Variants in NTRK2 observed in about 807,000 individuals in gnomAD.
NTRK2 encodes neurotrophic receptor tyrosine kinase 2.
Under a neutral mutation model 94.5 loss-of-function variants are expected in NTRK2, and 13 were observed. That is an observed-to-expected ratio of 0.14 (90% CI 0.09 to 0.22). The LOEUF is 0.22. Ranked by LOEUF, NTRK2 falls within the 10% of genes least tolerant of loss-of-function variation. NTRK2 has a pLI of 1.00. For missense variants in NTRK2, 639 were observed against 1,071.2 expected (o/e 0.60, Z 5.63); for synonymous variants, 372 against 407.4 (o/e 0.91, Z 1.05).
intron 17 of NTRK2, among the ~76,000 whole-genome samples, chr9:85,005,946 CT>C (rs1564544074): frequency 1.3e-5 from 2 of 152,026 alleles, no homozygotes; most frequent in Non-Finnish European, 2.9e-5. Flanking sequence ...TACATATGAC[CT>C]TTGTATCCCA....
chr9:84,783,783 G>A (rs553894930), intron 12 of NTRK2, among the ~76,000 whole-genome samples: 86 of 151,952 alleles, frequency 5.7e-4, no homozygotes, highest in Non-Finnish European at 1.1e-3. Context: ...GCAGAGAACG[G>A]GGGTAGAGAA....
intron 16 of NTRK2, 72 bp downstream of exon 16, chr9:84,948,706 G>C: frequency 7.0e-7 from 1 of 1,425,280 alleles, no homozygotes; most frequent in East Asian, 2.3e-5. Context: ...GGGTTCATGG[G>C]AGGGAACAAG....
intron 6 of NTRK2, among the ~76,000 whole-genome samples, chr9:84,722,194 T>C (rs2062116073): frequency 9.2e-6 from 1 of 108,428 alleles, no homozygotes; most frequent in Admixed American, 1.1e-4. Context: ...TGAAACCCCA[T>C]GAAAGATGTA....
At chr9:84,875,005 G>A in intron 14 of NTRK2, 1 of 1,056,396 alleles carries the variant, frequency 9.5e-7, no homozygotes, top group Non-Finnish European at 1.1e-6. Flanking sequence ...TGTAGATTTA[G>A]TAGAAAACCT....
At chr9:84,882,719 T>TGTGTGCGCGCGCGC (rs761042296) in intron 14 of NTRK2, among the ~76,000 whole-genome samples, 1,925 of 145,664 alleles carry the variant, frequency 0.013, 24 homozygotes, top group Non-Finnish European at 0.02. Flanking sequence ...TGTGTGTGTG[T>TGTGTGCGCGCGCGC]GCGCGCGCGC....
At chr9:84,923,652 C>T (rs1398979049) in intron 14 of NTRK2, among the ~76,000 whole-genome samples, 2 of 152,118 alleles carry the variant, frequency 1.3e-5, no homozygotes, top group Non-Finnish European at 2.9e-5. Flanking sequence ...TGTGGTGGCT[C>T]ATGCCTGTAA....
At chr9:84,827,019 G>T (rs1294443470) in intron 12 of NTRK2, among the ~76,000 whole-genome samples, 1 of 152,212 alleles carries the variant, frequency 6.6e-6, no homozygotes. Context: ...CAGGGTGAAT[G>T]ATGATGATGG....
chr9:84,816,143 C>T (rs2072374089), intron 12 of NTRK2, among the ~76,000 whole-genome samples: 2 of 151,956 alleles, frequency 1.3e-5, no homozygotes, highest in African/African-American at 4.8e-5. Flanking sequence ...ACTTTGTGGA[C>T]ATATAAACAT....
At position 84,875,483 on chromosome 9, in the gene NTRK2, A is replaced by C. The variant is rs1027160733; in HGVS notation, c.1633+8052A>C. 14 of 1,062,902 alleles carry C rather than the reference A, an allele frequency of 1.3e-5. No individual in the cohort carries two copies. In the African/African-American group the frequency reaches 2.0e-4, roughly 15 times the overall value. The allele number at this position is 1,062,902 out of a possible 1,614,324, so 65.8% of individuals were successfully genotyped here. ...AGGGTCATCACTCCAGATAACTCCA[A>C]ATGCAGTTTATTGCTCAACTGAAGC... On this transcript the variant is annotated intron_variant, in intron 14 of 18. Transcript: ENST00000277120.
chr9:84,843,649 C>A lies in NTRK2; in HGVS notation c.1397-17391C>A, dbSNP rs150453390. ...CTCAGTCAGAGAACTGTAGGGGGCACAAGTCAGGGAGTGTTGCAACGCCTC... is the reference window on the plus strand; with the variant it reads ...CTCAGTCAGAGAACTGTAGGGGGCAAAAGTCAGGGAGTGTTGCAACGCCTC... On this transcript the variant is annotated intron_variant, in intron 12 of 18. Coordinates refer to ENST00000277120, the MANE Select transcript of NTRK2 (RefSeq NM_006180.6). Among the ~76,000 whole-genome samples the A allele has an allele frequency of 1.1e-4, 16 of 152,226 alleles. 1 individual carries two copies. The highest frequency in any genetic ancestry group is 3.9e-4 in the African/African-American group (16 of 41,552).
chr9:84,828,774 G>A (rs745490173), intron 12 of NTRK2, among the ~76,000 whole-genome samples: 3 of 152,198 alleles, frequency 2.0e-5, no homozygotes, highest in Non-Finnish European at 2.9e-5. Context: ...TTCCTTGTGT[G>A]ATGTGTGATT....
intron 17 of NTRK2, among the ~76,000 whole-genome samples, chr9:85,002,656 G>C (rs893567661): frequency 6.6e-6 from 1 of 152,210 alleles, no homozygotes; most frequent in Admixed American, 6.5e-5. Context: ...AATACACACT[G>C]TAAAGAACTA....
chr9:84,744,180 A>T (rs747570896), intron 10 of NTRK2, among the ~76,000 whole-genome samples: 6 of 152,210 alleles, frequency 3.9e-5, no homozygotes, highest in Non-Finnish European at 5.9e-5. Flanking sequence ...GCTAATAAAA[A>T]CTTTGACAAC....
intron 14 of NTRK2, among the ~76,000 whole-genome samples, chr9:84,907,585 T>C (rs1810748218): frequency 6.6e-6 from 1 of 151,928 alleles, no homozygotes; most frequent in Non-Finnish European, 1.5e-5. Context: ...CTGTTCAGGG[T>C]GGGGGGATAA....
chr9:85,018,119 T>G (rs1832433968), intron 17 of NTRK2, among the ~76,000 whole-genome samples: 1 of 152,144 alleles, frequency 6.6e-6, no homozygotes, highest in African/African-American at 2.4e-5. Context: ...TGTTAAAATG[T>G]GTAGACCTCT....
intron 14 of NTRK2, among the ~76,000 whole-genome samples, chr9:84,886,137 G>T (rs531061534): frequency 1.3e-5 from 2 of 152,270 alleles, no homozygotes; most frequent in East Asian, 3.9e-4. Flanking sequence ...ACTTTCATAG[G>T]TATATGAAAT....
At chr9:84,672,295 T>C (rs990855953) in intron 2 of NTRK2, among the ~76,000 whole-genome samples, 1 of 152,066 alleles carries the variant, frequency 6.6e-6, no homozygotes, top group Non-Finnish European at 1.5e-5. Flanking sequence ...ATAGCTGAGA[T>C]GTGTCGGGAG....
intron 17 of NTRK2, among the ~76,000 whole-genome samples, chr9:84,975,108 G>A (rs967933570): frequency 5.9e-5 from 9 of 152,130 alleles, no homozygotes; most frequent in African/African-American, 2.2e-4. Context: ...GCTGCTGCAG[G>A]CAAAGAATGG....
chr9:84,925,000 C>T (rs1289018178), intron 14 of NTRK2, among the ~76,000 whole-genome samples: 1 of 152,020 alleles, frequency 6.6e-6, no homozygotes, highest in African/African-American at 2.4e-5. Context: ...GTGTCTAGGC[C>T]CCTTGGGAAT....
Sources: gnomAD v4.1 joint callset for allele counts (sites outside exome capture counted in the v4.1 genomes callset) on GRCh38, gnomAD v4.1.1 for gene constraint, MANE v1.5 for transcripts, NCBI Gene and HGNC (gene_info 2026-07-23, HGNC 2026-07-21) for gene names.